Variants in NXN observed in about 807,000 individuals in gnomAD.
NXN encodes the protein nucleoredoxin.
NXN carries 16 observed loss-of-function variants against 48.6 expected under a neutral mutation model. The observed-to-expected ratio is 0.33, with a 90% CI of 0.22 to 0.50. The LOEUF (loss-of-function observed/expected upper bound fraction) is 0.50, where lower values mean the gene tolerates loss of function less well. NXN is among the 20% of genes least tolerant of loss of function. The probability of loss-of-function intolerance (pLI) is 0.98; values close to 1 mark genes in which losing one functional copy is unlikely to be tolerated. For missense variants in NXN, 492 were observed against 605.5 expected, an observed-to-expected ratio of 0.81 and a Z score of 1.97; for synonymous variants, 281 against 269.6, an observed-to-expected ratio of 1.04 and a Z score of -0.41.
rs560418485 is a variant in NXN, at chr17:931,697, T to C, written c.360+47622A>G. Among the ~76,000 whole-genome samples, 23 of 150,478 alleles carry C rather than the reference T, an allele frequency of 1.5e-4. No individual in the cohort carries two copies. In the South Asian group the frequency reaches 4.8e-3, roughly 32 times the overall value. ...TAAAAATACAAAAATTAGCCGGGCG[T>C]GGTGGCAGGCGCCTGTAGTCCCAGC... On this transcript the variant is annotated intron_variant, in intron 1 of 7. Coordinates refer to ENST00000336868, the MANE Select transcript of NXN (RefSeq NM_022463.5).
At chr17:955,704 G>C (rs1351697169) in intron 1 of NXN, among the ~76,000 whole-genome samples, 1 of 151,352 alleles carries the variant, frequency 6.6e-6, no homozygotes, top group African/African-American at 2.4e-5. Context: ...AGACCATCCT[G>C]GCTAACACGG....
At chr17:808,737 C>T (rs1409548412) in intron 5 of NXN, among the ~76,000 whole-genome samples, 4 of 140,736 alleles carry the variant, frequency 2.8e-5, no homozygotes, top group East Asian at 2.2e-4. Flanking sequence ...TGCAATGGTG[C>T]GATCTCAGCT....
chr17:820,275 T>A (rs887406878), intron 4 of NXN, among the ~76,000 whole-genome samples: 1 of 152,130 alleles, frequency 6.6e-6, no homozygotes, highest in East Asian at 1.9e-4. Context: ...CATTTTACAA[T>A]ATATACATTA....
chr17:929,370 G>T (rs563455363), intron 1 of NXN, among the ~76,000 whole-genome samples: 19 of 152,320 alleles, frequency 1.2e-4, no homozygotes, highest in Middle Eastern at 3.4e-3. Flanking sequence ...CGTTTTGACT[G>T]TGCACGAAAC....
chr17:844,037 C>T (rs1049438624), intron 1 of NXN, among the ~76,000 whole-genome samples: 4 of 152,356 alleles, frequency 2.6e-5, no homozygotes, highest in Admixed American at 1.3e-4. Flanking sequence ...GGCCATCATA[C>T]GTCCCGTCCC....
intron 5 of NXN, among the ~76,000 whole-genome samples, chr17:806,782 C>T (rs769251995): frequency 2.2e-4 from 34 of 152,320 alleles, no homozygotes; most frequent in South Asian, 6.2e-4. Flanking sequence ...ACCAGCACCG[C>T]GGGCGTGCCT....
chr17:879,421 C>G (rs1039444959), intron 1 of NXN, among the ~76,000 whole-genome samples: 3 of 151,512 alleles, frequency 2.0e-5, no homozygotes, highest in Admixed American at 6.6e-5. Flanking sequence ...TCCCAAGTAG[C>G]TCAGATTACA....
At chr17:823,803 C>A in intron 2 of NXN, 38 bp from the exon 3 acceptor site, 1 of 1,612,150 alleles carries the variant, frequency 6.2e-7, no homozygotes, top group South Asian at 1.1e-5. Context: ...GGGCTTAGAC[C>A]CTTCTTGATG....
At chr17:898,132 T>C (rs1362183230) in intron 1 of NXN, among the ~76,000 whole-genome samples, 3 of 152,196 alleles carry the variant, frequency 2.0e-5, no homozygotes, top group South Asian at 4.1e-4. Flanking sequence ...CCTGTCTTCA[T>C]GGGGCTCAGG....
chr17:833,975 C>T (rs943576719), intron 1 of NXN, among the ~76,000 whole-genome samples: 4 of 152,188 alleles, frequency 2.6e-5, no homozygotes, highest in Admixed American at 6.5e-5. Flanking sequence ...TTCAGGATGG[C>T]GAACATCAGA....
At chr17:819,365 A>G in intron 5 of NXN, 74 bp downstream of exon 5, 3 of 1,014,858 alleles carry the variant, frequency 3.0e-6, no homozygotes, top group Non-Finnish European at 4.7e-6. Context: ...TTCTTAAAGG[A>G]AAGCCAAAGA....
chr17:819,374 G>A (rs1481840572), intron 5 of NXN, 65 bp downstream of exon 5: 5 of 1,117,266 alleles, frequency 4.5e-6, no homozygotes, highest in Non-Finnish European at 6.9e-6. Context: ...GAAAGCCAAA[G>A]ACACGGTGAG....
rs111534935 is a variant in NXN at position 809,937 on chromosome 17, C to A, written c.821-4690G>T. ...GCACGTTAAGAGTCCGTGTGAGTGG[C>A]GTGTACGTTACGAGTCTGTGTGAGT... On this transcript the variant is annotated intron_variant, in intron 5 of 7. Transcript: ENST00000336868. Among the ~76,000 whole-genome samples, 20 of 134,438 alleles carry A rather than the reference C, an allele frequency of 1.5e-4. 2 individuals are homozygous for A. Among genetic ancestry groups the A allele is most frequent in the Admixed American group, 5.4e-4 (7 of 13,054 alleles). The allele number at this position is 134,438 out of a possible 152,430, so 88.2% of individuals were successfully genotyped here.
intron 1 of NXN, among the ~76,000 whole-genome samples, chr17:906,516 G>A (rs747855985): frequency 1.5e-4 from 23 of 151,796 alleles, no homozygotes; most frequent in South Asian, 2.1e-4. Flanking sequence ...AGGCTGTCTC[G>A]AGGCTCATGT....
rs1913385236 is a variant in NXN at position 830,307 on chromosome 17, G to A, written c.361-4229C>T. Reference sequence around the variant, plus strand: ...ACCCTCGTGGGGCTCCTCCTCCAGTGGGAGAGGCAGACAATAAACAAGAAT... The same window carrying A: ...ACCCTCGTGGGGCTCCTCCTCCAGTAGGAGAGGCAGACAATAAACAAGAAT... On this transcript the variant is annotated intron_variant, in intron 1 of 7. Coordinates refer to ENST00000336868, the MANE Select transcript of NXN (RefSeq NM_022463.5). The surrounding 1 kb of genome is among the most constrained non-coding windows in gnomAD (Gnocchi z 4.2). Among the ~76,000 whole-genome samples the A allele has an allele frequency of 6.6e-6, 1 of 152,166 alleles. No homozygotes were observed. The highest frequency in any genetic ancestry group is 1.5e-5 in the Non-Finnish European group (1 of 68,022).
intron 1 of NXN, among the ~76,000 whole-genome samples, chr17:877,442 G>A (rs546397692): frequency 3.9e-5 from 6 of 152,266 alleles, no homozygotes; most frequent in South Asian, 4.1e-4. Context: ...CACCGCGCCC[G>A]GCCGCGACTG....
rs367557190 is a variant in NXN at position 941,548 on chromosome 17, G to A, written c.360+37771C>T. 2.8e-4 allele frequency among the ~76,000 whole-genome samples: 22 copies of A among 77,490 alleles called. No individual in the cohort carries two copies. In the East Asian group the frequency reaches 3.1e-3, roughly 11 times the overall value. 50.8% of individuals were successfully genotyped at this position (77,490 alleles called of 152,430 possible). A position where few individuals can be genotyped will look rare whatever the true frequency, so the allele number is the denominator to read the frequency against. ...GATTTACAGTGAACAAGATTCCAGG[G>A]TGCAGCCATGAACTCACATCACACC... is the stretch of plus-strand genomic sequence containing the variant. On this transcript the variant is annotated intron_variant, in intron 1 of 7. Transcript: ENST00000336868.
chr17:896,129 C>T (rs930910924), intron 1 of NXN, among the ~76,000 whole-genome samples: 10 of 151,852 alleles, frequency 6.6e-5, no homozygotes, highest in Non-Finnish European at 1.3e-4. Flanking sequence ...CACCTGAGGT[C>T]GGGAGTTCGA....
rs10902636 is a variant in NXN, at chr17:825,239, A to G, written c.478+722T>C. Among the ~76,000 whole-genome samples the G allele has an allele frequency of 0.51, 76,102 of 148,092 alleles. 20,890 individuals are homozygous for G. The highest frequency in any genetic ancestry group is 0.71 in the African/African-American group (28,189 of 39,984). On this transcript the variant is annotated intron_variant, in intron 2 of 7. Transcript: ENST00000336868. The surrounding 1 kb of genome is among the most constrained non-coding windows in gnomAD (Gnocchi z 4.1). Reference sequence around the variant, plus strand: ...CTCAAGAGAAAAAAAAAAAAAAAAAAGAAAAGCTTCACGCTTGGTTCCACC... The same window carrying G: ...CTCAAGAGAAAAAAAAAAAAAAAAAGGAAAAGCTTCACGCTTGGTTCCACC...
Sources: allele counts gnomAD v4.1 joint callset (sites outside exome capture counted in the v4.1 genomes callset), GRCh38; gene constraint gnomAD v4.1.1; non-coding constraint Gnocchi (gnomAD v3.1); transcripts MANE v1.5; gene names NCBI Gene and HGNC (gene_info 2026-07-23, HGNC 2026-07-21).